The following GAP43 variants were observed in gnomAD, a reference collection of about 807,000 sequenced individuals.
GAP43 encodes neuromodulin.
Under a neutral mutation model 18.6 loss-of-function variants are expected in GAP43, and 6 were observed. The observed-to-expected ratio is 0.32, with a 90% CI of 0.18 to 0.64. The LOEUF is 0.64. GAP43 is among the 30% of genes least tolerant of loss of function. The pLI is 0.78. For missense variants in GAP43, 292 were observed against 295.5 expected (o/e 0.99, Z 0.09); for synonymous variants, 115 against 111.4 (o/e 1.03, Z -0.20).
rs1708432772 is a variant in GAP43 at position 115,644,350 on chromosome 3, T to G, written c.30+20631T>G. Among the ~76,000 whole-genome samples, 1 of 152,036 alleles carries G rather than the reference T, an allele frequency of 6.6e-6. No homozygotes were observed. The highest frequency in any genetic ancestry group is 2.4e-5 in the African/African-American group (1 of 41,416). On this transcript the variant is annotated intron_variant, in intron 1 of 2. Coordinates refer to ENST00000305124, the MANE Select transcript of GAP43 (RefSeq NM_002045.4). The surrounding 1 kb of genome is among the most constrained non-coding windows in gnomAD (Gnocchi z 4.2). Reference sequence around the variant, plus strand: ...TTACCTGATAGTTTTTGGACAGGACTATCAGGGTGATGAATGGGTGAGAGT... The same window carrying G: ...TTACCTGATAGTTTTTGGACAGGACGATCAGGGTGATGAATGGGTGAGAGT...
chr3:115,650,677 C>T (rs1468198586), intron 1 of GAP43, among the ~76,000 whole-genome samples: 1 of 152,144 alleles, frequency 6.6e-6, no homozygotes, highest in Non-Finnish European at 1.5e-5. Context: ...TCCACAGGTG[C>T]TTTCTTGCTA....
intron 1 of GAP43, among the ~76,000 whole-genome samples, chr3:115,669,109 G>T (rs960728948): frequency 6.7e-6 from 1 of 150,336 alleles, no homozygotes; most frequent in African/African-American, 2.4e-5. Context: ...TAATTTTATT[G>T]ATATGACTCT....
At chr3:115,639,618 CT>C (rs1400524200) in intron 1 of GAP43, among the ~76,000 whole-genome samples, 3 of 152,028 alleles carry the variant, frequency 2.0e-5, no homozygotes, top group Non-Finnish European at 1.5e-5. Context: ...GCTATTTTTT[CT>C]TGTCCCCCTT....
At chr3:115,633,734 T>C (rs1411108466) in intron 1 of GAP43, among the ~76,000 whole-genome samples, 1 of 152,178 alleles carries the variant, frequency 6.6e-6, no homozygotes, top group African/African-American at 2.4e-5. Context: ...GGCTTACCTC[T>C]GGCAGGTGCC....
intron 1 of GAP43, chr3:115,659,111 G>A (rs2107479644): frequency 6.6e-6 from 1 of 152,620 alleles, no homozygotes; most frequent in South Asian, 2.1e-4. Flanking sequence ...CTCTAACAGG[G>A]CCAGGGGAGT....
At chr3:115,656,801 G>T (rs552298087) in intron 1 of GAP43, among the ~76,000 whole-genome samples, 26 of 152,112 alleles carry the variant, frequency 1.7e-4, no homozygotes, top group Non-Finnish European at 3.5e-4. Flanking sequence ...AAAATTTCCA[G>T]ACCTGTCTGT....
chr3:115,659,844 C>A (rs530517443), intron 1 of GAP43, among the ~76,000 whole-genome samples: 2 of 152,214 alleles, frequency 1.3e-5, no homozygotes, highest in African/African-American at 4.8e-5. Flanking sequence ...AGGTTGAAGC[C>A]AACTGTGGTA....
chr3:115,638,121 C>T (rs984890895), intron 1 of GAP43, among the ~76,000 whole-genome samples: 14 of 152,056 alleles, frequency 9.2e-5, no homozygotes, highest in African/African-American at 2.7e-4. Context: ...CTATAATCAA[C>T]TTCTTCTACC....
chr3:115,672,732 C>CCCTCCCCTCTCCTCT (rs1708829088), intron 1 of GAP43, among the ~76,000 whole-genome samples: 1 of 107,500 alleles, frequency 9.3e-6, no homozygotes, highest in Non-Finnish European at 1.9e-5. Flanking sequence ...CTTCCCACAT[C>CCCTCCCCTCTCCTCT]CCTCTCCTCT....
intron 1 of GAP43, among the ~76,000 whole-genome samples, chr3:115,671,977 C>T (rs561867876): frequency 6.6e-6 from 1 of 152,318 alleles, no homozygotes; most frequent in South Asian, 2.1e-4. Context: ...TGGGTAGACA[C>T]AGTATCCTTC....
chr3:115,717,869 C>T (rs1017082959), intron 2 of GAP43, among the ~76,000 whole-genome samples: 3 of 152,084 alleles, frequency 2.0e-5, no homozygotes, highest in East Asian at 1.9e-4. Flanking sequence ...TGCCAAATTT[C>T]GTCTTTTGTC....
chr3:115,668,658 A>G (rs1293519923), intron 1 of GAP43, among the ~76,000 whole-genome samples: 1 of 152,106 alleles, frequency 6.6e-6, no homozygotes, highest in African/African-American at 2.4e-5. Context: ...TCCTGACCTC[A>G]GGTGATCTGC....
chr3:115,691,824 T>C (rs1709118940), intron 2 of GAP43, among the ~76,000 whole-genome samples: 1 of 152,188 alleles, frequency 6.6e-6, no homozygotes, highest in Non-Finnish European at 1.5e-5. Context: ...AGGGTTAATT[T>C]GGGCTTCATG....
At chr3:115,692,843 T>G (rs188880362) in intron 2 of GAP43, among the ~76,000 whole-genome samples, 32 of 152,344 alleles carry the variant, frequency 2.1e-4, no homozygotes, top group East Asian at 1.7e-3. Flanking sequence ...GATATTAATA[T>G]TATTTCAGCA....
At chr3:115,683,147 G>GCACACACACA (rs869219452) in intron 2 of GAP43, among the ~76,000 whole-genome samples, 103 of 127,428 alleles carry the variant, frequency 8.1e-4, no homozygotes, top group African/African-American at 1.7e-3. Flanking sequence ...GCGCGCGCGC[G>GCACACACACA]CACACACACA....
chr3:115,647,629 C>T (rs1708471718), intron 1 of GAP43, among the ~76,000 whole-genome samples: 1 of 151,502 alleles, frequency 6.6e-6, no homozygotes, highest in Non-Finnish European at 1.5e-5. Flanking sequence ...GTCATGGAGC[C>T]TTGAGGGGAC....
At chr3:115,697,660 C>T (rs932199930) in intron 2 of GAP43, among the ~76,000 whole-genome samples, 9 of 152,090 alleles carry the variant, frequency 5.9e-5, no homozygotes, top group Admixed American at 4.6e-4. Context: ...ACCATTTTAG[C>T]AAATTCAAAA....
At chr3:115,688,215 G>A (rs4831118) in intron 2 of GAP43, among the ~76,000 whole-genome samples, 6,321 of 151,900 alleles carry the variant, frequency 0.042, 160 homozygotes, top group South Asian at 0.07. Context: ...ATGAGGTTTC[G>A]CCATGTTGGT....
chr3:115,694,185 CA>C (rs1463431093), intron 2 of GAP43, among the ~76,000 whole-genome samples: 1 of 152,216 alleles, frequency 6.6e-6, no homozygotes. Context: ...GCTGCTGTTA[CA>C]GGCAGCCCAG....
Sources: allele counts gnomAD v4.1 joint callset (sites outside exome capture counted in the v4.1 genomes callset), GRCh38; gene constraint gnomAD v4.1.1; non-coding constraint Gnocchi (gnomAD v3.1); transcripts MANE v1.5; gene names NCBI Gene and HGNC (gene_info 2026-07-23, HGNC 2026-07-21).